MMS22L: variants seen among roughly 807,000 people sequenced by gnomAD.
MMS22L encodes the protein protein MMS22-like.
In MMS22L, 74 loss-of-function variants were observed where a neutral mutation model predicts 159.1. The ratio of observed to expected loss-of-function variants is 0.47; its 90% CI spans 0.39 to 0.56. The LOEUF (loss-of-function observed/expected upper bound fraction) is 0.56. Among genes scored for constraint, MMS22L ranks in the 20% least tolerant of loss-of-function variants. The pLI is 0.00. For synonymous variants in MMS22L, 517 were observed against 506.9 expected (o/e 1.02, Z -0.27); for missense variants, 1,351 against 1,422.1 (o/e 0.95, Z 0.80).
At chr6:97,148,452 C>G (rs1801021398) in intron 24 of MMS22L, among the ~76,000 whole-genome samples, 1 of 152,062 alleles carries the variant, frequency 6.6e-6, no homozygotes, top group Non-Finnish European at 1.5e-5. Flanking sequence ...GTTACTGACC[C>G]TGAAGACCTT....
chr6:97,269,938 C>T lies in MMS22L; in HGVS notation c.661G>A (p.Val221Met). ...CCCAGCATGTAAAGAATTTCTAGCACCAGCCAATGTATATCCAAGTGGAGA... is the reference window on the plus strand; with the variant it reads ...CCCAGCATGTAAAGAATTTCTAGCATCAGCCAATGTATATCCAAGTGGAGA... ...LHLHLDIHWL[V>M]LEILYMLGEK... Residue 221 changes from valine to methionine, a missense_variant, in exon 7 of 25, where the codon GTG becomes ATG. Transcript: ENST00000683635. The T allele has an allele frequency of 6.2e-7, 1 of 1,611,308 alleles. No individual in the cohort carries two copies. The highest frequency in any genetic ancestry group is 2.2e-5 in the East Asian group (1 of 44,776).
intron 24 of MMS22L, among the ~76,000 whole-genome samples, chr6:97,148,631 T>C (rs982534933): frequency 6.6e-6 from 1 of 151,936 alleles, no homozygotes; most frequent in African/African-American, 2.4e-5. Flanking sequence ...AAGAAAATAT[T>C]TTTGTACAGC....
chr6:97,277,436 T>TAA (rs377624832), intron 4 of MMS22L, among the ~76,000 whole-genome samples: 323 of 151,536 alleles, frequency 2.1e-3, no homozygotes, highest in African/African-American at 7.7e-3. Flanking sequence ...TAATAATAAA[T>TAA]AATAATGATA....
At chr6:97,196,848 C>T (rs1009814354) in intron 14 of MMS22L, among the ~76,000 whole-genome samples, 1 of 151,996 alleles carries the variant, frequency 6.6e-6, no homozygotes, top group African/African-American at 2.4e-5. Flanking sequence ...TTACAACATA[C>T]TACACATATA....
chr6:97,184,816 A>G (rs1039116791), intron 15 of MMS22L, among the ~76,000 whole-genome samples: 3 of 152,104 alleles, frequency 2.0e-5, no homozygotes, highest in African/African-American at 7.2e-5. Flanking sequence ...TCAACCTAGC[A>G]GCCAGAGGAC....
intron 12 of MMS22L, among the ~76,000 whole-genome samples, chr6:97,232,195 G>A (rs1810948481): frequency 6.6e-6 from 1 of 152,018 alleles, no homozygotes; most frequent in African/African-American, 2.4e-5. Context: ...TAGTAAAAAG[G>A]CACATAAGTT....
intron 4 of MMS22L, among the ~76,000 whole-genome samples, chr6:97,276,800 A>C (rs1475810930): frequency 6.6e-6 from 1 of 152,188 alleles, no homozygotes; most frequent in Non-Finnish European, 1.5e-5. Context: ...CAGATAGACA[A>C]AGCCCTTGGC....
chr6:97,266,518 T>A (rs551679638), intron 8 of MMS22L: 5 of 152,314 alleles, frequency 3.3e-5, no homozygotes, highest in African/African-American at 9.6e-5. Flanking sequence ...GAGAAGCACG[T>A]CTTTAGGCTA....
At chr6:97,183,074 C>G (rs968562282) in intron 15 of MMS22L, among the ~76,000 whole-genome samples, 1 of 152,130 alleles carries the variant, frequency 6.6e-6, no homozygotes, top group African/African-American at 2.4e-5. Context: ...ACCCAGCGAC[C>G]TTGGCATTAC....
chr6:97,242,805 T>C (rs1812224355), intron 11 of MMS22L, among the ~76,000 whole-genome samples: 1 of 152,230 alleles, frequency 6.6e-6, no homozygotes, highest in Non-Finnish European at 1.5e-5. Flanking sequence ...TTTGTTTGTC[T>C]GAAAAATACT....
intron 10 of MMS22L, among the ~76,000 whole-genome samples, chr6:97,252,550 C>G (rs1008495605): frequency 1.3e-5 from 2 of 150,864 alleles, no homozygotes; most frequent in African/African-American, 4.9e-5. Context: ...GAGGCTGAGG[C>G]AGGAGAATCA....
At chr6:97,204,870 T>C (rs1177973846) in intron 14 of MMS22L, among the ~76,000 whole-genome samples, 9 of 137,952 alleles carry the variant, frequency 6.5e-5, no homozygotes, top group South Asian at 2.5e-4. Context: ...TTAGAGAACA[T>C]CTAGCCAGAG....
At chr6:97,240,558 C>G (rs538715783) in intron 11 of MMS22L, among the ~76,000 whole-genome samples, 39 of 151,904 alleles carry the variant, frequency 2.6e-4, no homozygotes, top group Admixed American at 2.5e-3. Context: ...TGAATAAGTT[C>G]TTTAGTGGTG....
At chr6:97,280,113 C>G (rs1816625562) in intron 3 of MMS22L, among the ~76,000 whole-genome samples, 1 of 152,138 alleles carries the variant, frequency 6.6e-6, no homozygotes, top group East Asian at 1.9e-4. Context: ...AAACGTATGA[C>G]ATGGCGTAGA....
At chr6:97,227,679 G>A (rs1426195897) in intron 14 of MMS22L, among the ~76,000 whole-genome samples, 1 of 152,196 alleles carries the variant, frequency 6.6e-6, no homozygotes, top group Non-Finnish European at 1.5e-5. Context: ...TAGCACCTCT[G>A]AAAAACAGAT....
At chr6:97,283,981 C>T (rs146355449), upstream of MMS22L, among the ~76,000 whole-genome samples, 318 of 152,102 alleles carry the variant, frequency 2.1e-3, 1 homozygote, top group African/African-American at 7.3e-3. Context: ...TTAGAAAATA[C>T]GTTGAATTAA....
intron 4 of MMS22L, among the ~76,000 whole-genome samples, chr6:97,277,573 CAA>C (rs1271790198): frequency 6.6e-6 from 1 of 151,636 alleles, no homozygotes. Context: ...ACAAAATGAA[CAA>C]AAAAACACAT....
chr6:97,269,784 C>T, intron 7 of MMS22L, 118 bp downstream of exon 7: 1 of 683,058 alleles, frequency 1.5e-6, no homozygotes. Context: ...TTACTTCATA[C>T]TTTGTTTACT....
At chr6:97,196,001 T>C (rs1176346084) in intron 14 of MMS22L, among the ~76,000 whole-genome samples, 1 of 152,144 alleles carries the variant, frequency 6.6e-6, no homozygotes, top group Non-Finnish European at 1.5e-5. Context: ...CAGGAGGATA[T>C]AATTTGATAT....
Sources: gnomAD v4.1 joint callset for allele counts (sites outside exome capture counted in the v4.1 genomes callset) on GRCh38, gnomAD v4.1.1 for gene constraint, MANE v1.5 for transcripts, NCBI Gene and HGNC (gene_info 2026-07-23, HGNC 2026-07-21) for gene names.